TAFA1: variants seen among roughly 807,000 people sequenced by gnomAD.
TAFA1 encodes TAFA chemokine like family member 1, also known as chemokine-like protein TAFA-1.
TAFA1 carries 4 observed loss-of-function variants against 18.5 expected under a neutral mutation model. That is an observed-to-expected ratio of 0.22 (90% confidence interval 0.11 to 0.49). The LOEUF (loss-of-function observed/expected upper bound fraction) is 0.49, where lower values mean the gene tolerates loss of function less well. TAFA1 is among the 20% of genes least tolerant of loss of function. TAFA1 has a pLI of 0.98. For synonymous variants in TAFA1, 56 were observed against 55.2 expected, an observed-to-expected ratio of 1.01 and a Z score of -0.06; for missense variants, 147 against 169.0, an observed-to-expected ratio of 0.87 and a Z score of 0.72.
intron 2 of TAFA1, among the ~76,000 whole-genome samples, chr3:68,259,622 G>A (rs2067370046): frequency 1.3e-5 from 2 of 152,198 alleles, no homozygotes; most frequent in African/African-American, 4.8e-5. Context: ...TTGAGCAGTG[G>A]TTTGTAGTTC....
chr3:68,097,031 T>A (rs1396022768), intron 2 of TAFA1, among the ~76,000 whole-genome samples: 2 of 152,122 alleles, frequency 1.3e-5, no homozygotes, highest in Non-Finnish European at 2.9e-5. Flanking sequence ...CTGTCTACAT[T>A]GTGCTTCTGT....
intron 2 of TAFA1, among the ~76,000 whole-genome samples, chr3:68,108,924 A>G (rs1325804057): frequency 1.3e-5 from 2 of 151,830 alleles, no homozygotes; most frequent in Non-Finnish European, 2.9e-5. Context: ...AGAGATTTTA[A>G]AAATAAAAAT....
chr3:68,358,399 C>A (rs2069404111), intron 2 of TAFA1, among the ~76,000 whole-genome samples: 2 of 151,884 alleles, frequency 1.3e-5, no homozygotes, highest in African/African-American at 4.8e-5. Flanking sequence ...AACATTTCAA[C>A]AAATCTGAGG....
intron 2 of TAFA1, among the ~76,000 whole-genome samples, chr3:68,334,622 C>A (rs140423584): frequency 6.6e-4 from 100 of 152,230 alleles, no homozygotes; most frequent in African/African-American, 2.3e-3. Context: ...TTAACAATCT[C>A]TGAACTGATA....
chr3:68,048,655 A>G (rs1010181831), intron 2 of TAFA1, among the ~76,000 whole-genome samples: 55 of 151,886 alleles, frequency 3.6e-4, no homozygotes, highest in African/African-American at 2.9e-4. Context: ...CTCTATCTCC[A>G]TTAAATCAAT....
intron 3 of TAFA1, among the ~76,000 whole-genome samples, chr3:68,419,032 C>T (rs574890121): frequency 6.6e-6 from 1 of 152,274 alleles, no homozygotes; most frequent in African/African-American, 2.4e-5. Context: ...GGCTTGTTCA[C>T]ATGGCTGTTG....
Position 68,027,854 on chromosome 3 carries a change from C to T in TAFA1, c.118+21110C>T, listed in dbSNP as rs139529099. On this transcript the variant is annotated intron_variant, in intron 2 of 4. Coordinates refer to ENST00000478136, the MANE Select transcript of TAFA1 (RefSeq NM_213609.4). ...CAAGTTAACACTTAATAAATTAATTCCCAAACATGAATTGAGGATTCCATG... is the reference window on the plus strand; with the variant it reads ...CAAGTTAACACTTAATAAATTAATTTCCAAACATGAATTGAGGATTCCATG... 3.3e-5 allele frequency among the ~76,000 whole-genome samples: 5 copies of T among 152,242 alleles called. No homozygotes were observed. In the East Asian group the frequency reaches 9.6e-4, roughly 29 times the overall value.
chr3:68,223,375 C>T (rs368439325), intron 2 of TAFA1, among the ~76,000 whole-genome samples: 2 of 152,024 alleles, frequency 1.3e-5, no homozygotes, highest in South Asian at 2.1e-4. Flanking sequence ...TTATATACAC[C>T]GTGTTATTCA....
intron 2 of TAFA1, among the ~76,000 whole-genome samples, chr3:68,181,027 T>C (rs568173676): frequency 4.1e-4 from 63 of 152,328 alleles, no homozygotes; most frequent in South Asian, 6.2e-4. Flanking sequence ...ACACACAAAG[T>C]ACGGACGAGA....
chr3:68,483,346 T>A (rs2106662021), intron 3 of TAFA1, among the ~76,000 whole-genome samples: 1 of 152,334 alleles, frequency 6.6e-6, no homozygotes, highest in South Asian at 2.1e-4. Flanking sequence ...TAGCAGGGAA[T>A]TAATCATAGA....
chr3:68,361,538 A>T (rs1395443195), intron 2 of TAFA1, among the ~76,000 whole-genome samples: 1 of 152,042 alleles, frequency 6.6e-6, no homozygotes, highest in Non-Finnish European at 1.5e-5. Context: ...AAAGTAATGG[A>T]TAACCCCATA....
intron 2 of TAFA1, among the ~76,000 whole-genome samples, chr3:68,179,370 A>G (rs938428523): frequency 6.6e-6 from 1 of 152,238 alleles, no homozygotes; most frequent in African/African-American, 2.4e-5. Flanking sequence ...GTGCACAAGT[A>G]TTACAGAATG....
At chr3:68,293,016 T>C (rs148898025) in intron 2 of TAFA1, among the ~76,000 whole-genome samples, 61 of 150,020 alleles carry the variant, frequency 4.1e-4, no homozygotes, top group African/African-American at 1.5e-3. Flanking sequence ...GTACCTTTTT[T>C]AGACTGTTAG....
intron 3 of TAFA1, among the ~76,000 whole-genome samples, chr3:68,477,455 A>G (rs1022489724): frequency 9.9e-5 from 15 of 152,142 alleles, no homozygotes; most frequent in African/African-American, 3.4e-4. Flanking sequence ...GCTAACTGCA[A>G]CCTCCACCTC....
intron 2 of TAFA1, among the ~76,000 whole-genome samples, chr3:68,202,013 A>G (rs976449419): frequency 1.3e-5 from 2 of 151,584 alleles, no homozygotes; most frequent in Admixed American, 6.6e-5. Context: ...TGAGAACTCA[A>G]TCACTACTGC....
chr3:68,397,322 C>T (rs1381346940), intron 2 of TAFA1, among the ~76,000 whole-genome samples: 5 of 152,122 alleles, frequency 3.3e-5, no homozygotes, highest in Admixed American at 6.6e-5. Flanking sequence ...GCCCCCTACC[C>T]GCCAACAGGC....
At chr3:68,307,731 A>G (rs573992058) in intron 2 of TAFA1, among the ~76,000 whole-genome samples, 102 of 152,290 alleles carry the variant, frequency 6.7e-4, no homozygotes, top group African/African-American at 2.4e-3. Context: ...TTGATTTAGC[A>G]TATTAGTTTC....
chr3:68,086,176 T>A (rs1044737261), intron 2 of TAFA1, among the ~76,000 whole-genome samples: 1 of 152,210 alleles, frequency 6.6e-6, no homozygotes, highest in African/African-American at 2.4e-5. Context: ...GTAAACCACC[T>A]AAGGTCACTT....
At chr3:68,194,931 A>C (rs1184517286) in intron 2 of TAFA1, among the ~76,000 whole-genome samples, 2 of 151,690 alleles carry the variant, frequency 1.3e-5, no homozygotes, top group African/African-American at 4.8e-5. Flanking sequence ...AACTAGTAAT[A>C]GTTGTCTTCT....
Sources: gnomAD v4.1 joint callset for allele counts (sites outside exome capture counted in the v4.1 genomes callset) on GRCh38, gnomAD v4.1.1 for gene constraint, MANE v1.5 for transcripts, NCBI Gene and HGNC (gene_info 2026-07-23, HGNC 2026-07-21) for gene names.